STAB2: variants seen among roughly 807,000 people sequenced by gnomAD.
STAB2 encodes the protein stabilin 2.
Under a neutral mutation model 338.1 loss-of-function variants are expected in STAB2, and 288 were observed. The ratio of observed to expected loss-of-function variants is 0.85; its 90% CI spans 0.77 to 0.94. STAB2 has a LOEUF of 0.94. STAB2 is among the 40% of genes least tolerant of loss of function. The pLI, the probability that STAB2 is intolerant of heterozygous loss-of-function variation, is 0.00. For missense variants in STAB2, 3,141 were observed against 3,210.1 expected (o/e 0.98, Z 0.52); for synonymous variants, 1,202 against 1,193.3 (o/e 1.01, Z -0.15).
At position 103,737,660 on chromosome 12, in the gene STAB2, C is replaced by T; in HGVS notation, c.5577C>T (p.Thr1859=). The T allele has an allele frequency of 6.2e-7, 1 of 1,601,414 alleles. No individual in the cohort carries two copies. Among genetic ancestry groups the T allele is most frequent in the East Asian group, 2.3e-5 (1 of 44,050 alleles). ...GTGACCTCTTTCTGAATGGCCAAAC[C>T]TGCAGAATTGTGCAGCGGGAGCTCT... ...DIGDLFLNGQ[T]CRIVQRELLF... is the part of the protein sequence containing the mutation. The change falls in exon 53 of 69, where the codon ACC becomes ACT. Residue 1859 remains threonine (T), a synonymous_variant. Transcript: ENST00000388887.
At chr12:103,750,543 G>C in intron 59 of STAB2, 36 bp from the exon 60 acceptor site, 4 of 1,609,848 alleles carry the variant, frequency 2.5e-6, no homozygotes, top group South Asian at 1.1e-5. Flanking sequence ...TCCTAGAGAA[G>C]GAACTTTTTC....
At chr12:103,733,898 G>A (rs972408419) in intron 51 of STAB2, among the ~76,000 whole-genome samples, 1 of 141,902 alleles carries the variant, frequency 7.0e-6, no homozygotes, top group Non-Finnish European at 1.5e-5. Context: ...ATAGGAGCAA[G>A]CACAATCACA....
At chr12:103,710,843 G>A (rs956096884) in intron 39 of STAB2, among the ~76,000 whole-genome samples, 2 of 152,134 alleles carry the variant, frequency 1.3e-5, no homozygotes, top group Non-Finnish European at 2.9e-5. Context: ...CTATCCAAGA[G>A]TATTCTTCCC....
intron 5 of STAB2, among the ~76,000 whole-genome samples, chr12:103,630,000 C>T (rs1362626385): frequency 6.6e-6 from 1 of 152,122 alleles, no homozygotes; most frequent in Non-Finnish European, 1.5e-5. Flanking sequence ...GAAATTTTAT[C>T]AAGGTTAGAG....
intron 3 of STAB2, among the ~76,000 whole-genome samples, chr12:103,595,348 G>GTT (rs201978133): frequency 1.3e-5 from 2 of 149,346 alleles, no homozygotes; most frequent in Non-Finnish European, 3.0e-5. Flanking sequence ...CTTTTGCTTT[G>GTT]TTTTTTTTTC....
chr12:103,607,474 T>C (rs879512224), intron 3 of STAB2, among the ~76,000 whole-genome samples: 1 of 152,084 alleles, frequency 6.6e-6, no homozygotes, highest in Non-Finnish European at 1.5e-5. Context: ...GCCATGTTGG[T>C]GTGTTGCACC....
intron 25 of STAB2, among the ~76,000 whole-genome samples, chr12:103,679,240 T>C (rs759906998): frequency 1.3e-5 from 2 of 152,058 alleles, no homozygotes; most frequent in Non-Finnish European, 2.9e-5. Context: ...TTGTGGTGCA[T>C]GCCTGTAATC....
intron 23 of STAB2, among the ~76,000 whole-genome samples, 196 bp from the exon 24 acceptor site, chr12:103,675,732 G>A (rs1275051360): frequency 6.6e-6 from 1 of 152,230 alleles, no homozygotes; most frequent in Admixed American, 6.5e-5. Flanking sequence ...TAAGAAGTGG[G>A]CAGGCTTCAT....
In STAB2 at chr12:103,729,106, C is replaced by A. The variant is rs1301510038; in HGVS notation, c.5082+111C>A. On this transcript the variant is annotated intron_variant, in intron 48 of 68. Coordinates refer to ENST00000388887, the MANE Select transcript of STAB2 (RefSeq NM_017564.10). The stretch of plus-strand genomic sequence containing the variant: ...AGCAAACTAATGCAGGAACAGAAAA[C>A]CCAATGCTGCATGTCCTCACTTACA... The A allele has an allele frequency of 5.9e-6, 6 of 1,013,054 alleles. No individual in the cohort carries two copies. The Admixed American group carries it at 1.3e-4, about 21-fold the overall frequency. The allele number at this position is 1,013,054 out of a possible 1,614,324, so 62.8% of individuals were successfully genotyped here. A position where few individuals can be genotyped will look rare whatever the true frequency, so the allele number is the denominator to read the frequency against.
At chr12:103,669,722 C>A in intron 21 of STAB2, 95 bp downstream of exon 21, 1 of 1,136,382 alleles carries the variant, frequency 8.8e-7, no homozygotes, top group Non-Finnish European at 1.3e-6. Flanking sequence ...CTACTCTTCC[C>A]AGGAAGCAAA....
chr12:103,702,003 CACACACACACACACACACA>C (rs1878916347), intron 34 of STAB2, among the ~76,000 whole-genome samples: 1 of 151,440 alleles, frequency 6.6e-6, no homozygotes, highest in Admixed American at 6.6e-5. Flanking sequence ...CACACACACA[CACACACACACACACACACA>C]CCCCACCCCA....
At chr12:103,693,634 A>C (rs542342757) in intron 31 of STAB2, among the ~76,000 whole-genome samples, 28 of 152,330 alleles carry the variant, frequency 1.8e-4, no homozygotes, top group African/African-American at 6.3e-4. Flanking sequence ...AGAATATAAA[A>C]AGCATGGTGA....
chr12:103,735,539 G>A lies in STAB2; in HGVS notation c.5509G>A (p.Gly1837Ser). ...PTSTAWKTLQ[G>S]SELSVKCGAG... Reference sequence around the variant, plus strand: ...ATCCACTGCCTGGAAGACCCTGCAAGGTTCAGAGCTGAGTGTGAAATGTGG... The same window carrying A: ...ATCCACTGCCTGGAAGACCCTGCAAAGTTCAGAGCTGAGTGTGAAATGTGG... The change falls in exon 52 of 69, where the codon GGT becomes AGT. Residue 1837 changes from glycine to serine, a missense_variant. Gly to Ser is a moderately conservative substitution (Grantham distance 56). Coordinates refer to ENST00000388887, the MANE Select transcript of STAB2 (RefSeq NM_017564.10). 6.2e-7 allele frequency: 1 copy of A among 1,611,560 alleles called. No individual in the cohort carries two copies. The highest frequency in any genetic ancestry group is 8.5e-7 in the Non-Finnish European group (1 of 1,179,122).
chr12:103,654,514 A>G, intron 12 of STAB2, 41 bp from the exon 13 acceptor site: 1 of 1,596,934 alleles, frequency 6.3e-7, no homozygotes, highest in South Asian at 1.1e-5. Context: ...TCCTTCCAGG[A>G]CACCATAGTA....
At chr12:103,739,544 T>TGTGC (rs1312454485) in intron 54 of STAB2, 76 bp downstream of exon 54, 11 of 738,538 alleles carry the variant, frequency 1.5e-5, no homozygotes, top group Non-Finnish European at 2.2e-5. Flanking sequence ...TGTGTGTGTG[T>TGTGC]GTGTGTGTGT....
chr12:103,669,627 G>A lies in STAB2; in HGVS notation c.2259G>A (p.Gln753=), dbSNP rs545076394. The A allele has an allele frequency of 1.2e-6, 2 of 1,613,510 alleles. No homozygotes were observed. Among genetic ancestry groups the A allele is most frequent in the South Asian group, 1.1e-5 (1 of 91,050 alleles). The part of the protein sequence containing the change: ...GFSNPCSGNG[Q]CADSLGGNGT... ...CAAATCCATGCTCAGGAAATGGACAGGTGAATACTGAAGACTGGCCTTCCA... is the reference window on the plus strand; with the variant it reads ...CAAATCCATGCTCAGGAAATGGACAAGTGAATACTGAAGACTGGCCTTCCA... Residue 753 remains glutamine (Q), a splice_region_variant and synonymous_variant, in exon 21 of 69, where the codon CAG becomes CAA. Coordinates refer to ENST00000388887, the MANE Select transcript of STAB2 (RefSeq NM_017564.10).
At chr12:103,618,512 C>A (rs534520958) in intron 3 of STAB2, among the ~76,000 whole-genome samples, 2 of 152,164 alleles carry the variant, frequency 1.3e-5, no homozygotes, top group Non-Finnish European at 2.9e-5. Context: ...TCCACGGATG[C>A]TGATTTCACA....
At chr12:103,745,344 A>G in intron 57 of STAB2, 67 bp downstream of exon 57, 1 of 1,437,792 alleles carries the variant, frequency 7.0e-7, no homozygotes, top group South Asian at 1.3e-5. Flanking sequence ...AGAGCATACA[A>G]GTGAGGTTGG....
At chr12:103,677,669 T>C in intron 25 of STAB2, 58 bp downstream of exon 25, 1 of 1,571,490 alleles carries the variant, frequency 6.4e-7, no homozygotes, top group Non-Finnish European at 8.7e-7. Flanking sequence ...GACTTTGCTT[T>C]CCCCTCAGGA....
Sources: allele counts gnomAD v4.1 joint callset (sites outside exome capture counted in the v4.1 genomes callset), GRCh38; gene constraint gnomAD v4.1.1; transcripts MANE v1.5; gene names NCBI Gene and HGNC (gene_info 2026-07-23, HGNC 2026-07-21).